Variants in POSTN observed in about 807,000 individuals in gnomAD.
POSTN encodes the protein periostin, also known as osteoblast specific factor 2 (fasciclin I-like).
POSTN carries 71 observed loss-of-function variants against 104.5 expected under a neutral mutation model. That is an observed-to-expected ratio of 0.68 (90% confidence interval 0.56 to 0.83). POSTN has a LOEUF of 0.83. Ranked by LOEUF, POSTN falls within the 40% of genes least tolerant of loss-of-function variation. The pLI, the probability that POSTN is intolerant of heterozygous loss-of-function variation, is 0.00. For synonymous variants in POSTN, 355 were observed against 340.7 expected (o/e 1.04, Z -0.46); for missense variants, 949 against 1,006.8 (o/e 0.94, Z 0.78).
chr13:37,578,722 A>G (rs752882330), intron 15 of POSTN, 122 bp downstream of exon 15: 14 of 776,514 alleles, frequency 1.8e-5, no homozygotes, highest in Non-Finnish European at 2.4e-5. Flanking sequence ...TGGAGTGAAC[A>G]TGGGAGGCGG....
chr13:37,575,500 AT>A (rs1325032277), intron 16 of POSTN, among the ~76,000 whole-genome samples: 1 of 152,062 alleles, frequency 6.6e-6, no homozygotes, highest in East Asian at 1.9e-4. Context: ...CCAGTCAACT[AT>A]TTGGTTGACT....
intron 16 of POSTN, among the ~76,000 whole-genome samples, chr13:37,577,406 A>G (rs376436749): frequency 1.3e-5 from 2 of 152,270 alleles, no homozygotes; most frequent in East Asian, 3.9e-4. Flanking sequence ...GGCTAAGGTC[A>G]TTTCTGTGTC....
At chr13:37,597,048 C>T in intron 2 of POSTN, 136 bp downstream of exon 2, 2 of 531,296 alleles carry the variant, frequency 3.8e-6, no homozygotes, top group East Asian at 3.5e-5. Flanking sequence ...GTATGTATTC[C>T]TTTCTTTTCT....
chr13:37,568,299 A>AAG (rs1950172332), intron 21 of POSTN, among the ~76,000 whole-genome samples: 1 of 152,116 alleles, frequency 6.6e-6, no homozygotes, highest in Non-Finnish European at 1.5e-5. Context: ...AATACTATTT[A>AAG]AGAGATTTTA....
chr13:37,597,016 C>T (rs1593375774), intron 2 of POSTN, among the ~76,000 whole-genome samples, 168 bp downstream of exon 2: 2 of 152,236 alleles, frequency 1.3e-5, no homozygotes, highest in South Asian at 2.1e-4. Context: ...ATTGGAGATG[C>T]AGGGAGAACT....
chr13:37,581,498 T>A (rs1003242823), intron 10 of POSTN, among the ~76,000 whole-genome samples: 3 of 152,148 alleles, frequency 2.0e-5, no homozygotes, highest in African/African-American at 4.8e-5. Context: ...AGTAGGAGGT[T>A]CACTGGAGGC....
Position 37,579,350 on chromosome 13 carries a change from T to C in POSTN, c.1670A>G (p.Asn557Ser), listed in dbSNP as rs750139319. ...EEKEILIRDK[N>S]ALQNIILYHL... is the part of the protein sequence containing the mutation. ...ATAAAGAATGATGTTTTGAAGAGCA[T>C]TTTTGTCCCCTAGGGGAAAATATAT... The change falls in exon 13 of 23, where the codon AAT (asparagine) becomes AGT (serine). Residue 557 changes from asparagine (N) to serine (S), a missense_variant. Asn to Ser is a conservative substitution (Grantham distance 46). Transcript: ENST00000379747. 18 of 1,581,582 alleles carry C rather than the reference T, an allele frequency of 1.1e-5. No individual in the cohort carries two copies. Among genetic ancestry groups the C allele is most frequent in the Non-Finnish European group, 1.4e-5 (16 of 1,151,606 alleles).
chr13:37,570,682 G>C lies in POSTN; in HGVS notation c.2180-13C>G. ...TTAATAATTGGCTCTAAAAGCAGGG[G>C]AATACAAATGCATTTGATTTACCCT... On this transcript the variant is annotated splice_polypyrimidine_tract_variant and intron_variant, in intron 18 of 22. Coordinates refer to ENST00000379747, the MANE Select transcript of POSTN (RefSeq NM_006475.3). 3 of 1,498,944 alleles carry C rather than the reference G, an allele frequency of 2.0e-6. No homozygotes were observed. The highest frequency in any genetic ancestry group is 1.9e-6 in the Non-Finnish European group (2 of 1,076,146). 92.9% of individuals were successfully genotyped at this position (1,498,944 alleles called of 1,614,324 possible). A position where few individuals can be genotyped will look rare whatever the true frequency, so the allele number is the denominator to read the frequency against.
intron 5 of POSTN, among the ~76,000 whole-genome samples, chr13:37,587,163 G>A (rs1950772186): frequency 6.6e-6 from 1 of 152,030 alleles, no homozygotes; most frequent in Admixed American, 6.6e-5. Flanking sequence ...AACATATCTA[G>A]CAACATAAGG....
At chr13:37,587,746 G>T (rs532591173) in intron 5 of POSTN, 76 bp downstream of exon 5, 1 of 1,140,976 alleles carries the variant, frequency 8.8e-7, no homozygotes, top group Non-Finnish European at 1.2e-6. Context: ...TTATTTTTGT[G>T]AGCATTATAT....
chr13:37,588,213 AT>A (rs1325209565), intron 4 of POSTN, among the ~76,000 whole-genome samples: 1 of 152,122 alleles, frequency 6.6e-6, no homozygotes, highest in African/African-American at 2.4e-5. Context: ...TTAGAACACA[AT>A]TTTTAAAGTG....
At chr13:37,583,075 T>C (rs1483276518) in intron 9 of POSTN, among the ~76,000 whole-genome samples, 1 of 152,218 alleles carries the variant, frequency 6.6e-6, no homozygotes, top group Non-Finnish European at 1.5e-5. Flanking sequence ...GTGTTACCTA[T>C]TTTTAATTAA....
At position 37,584,094 on chromosome 13, in the gene POSTN, A is replaced by G; in HGVS notation, c.1118T>C (p.Val373Ala). 6.2e-7 allele frequency: 1 copy of G among 1,613,686 alleles called. No homozygotes were observed. The highest frequency in any genetic ancestry group is 8.5e-7 in the Non-Finnish European group (1 of 1,179,860). ...QVLIPDSAKQ[V>A]IELAGKQQTT... ...TTGCTGTTTTCCAGCCAGCTCAATA[A>G]CTTGTTTGGCTGAAAAATAAACCAT... Residue 373 changes from valine to alanine, a missense_variant, in exon 9 of 23, where the codon GTT (valine) becomes GCT (alanine). Physicochemically the swap from Val to Ala is moderately conservative, Grantham distance 64. Transcript: ENST00000379747.
intron 20 of POSTN, 148 bp from the exon 21 acceptor site, chr13:37,569,531 A>T: frequency 1.2e-6 from 1 of 809,408 alleles, no homozygotes; most frequent in Non-Finnish European, 2.1e-6. Context: ...GTTTTCTGAC[A>T]TACTAATATT....
chr13:37,563,255 A>C lies in POSTN; in HGVS notation c.*78T>G, dbSNP rs1159899590. On this transcript the variant is annotated 3_prime_UTR_variant, in exon 23 of 23. Transcript: ENST00000379747. ...TGCTGATGTTTCAGTTCCTGAAGTC[A>C]ACTTGGCTCTCACAATTTTCTAAGG... 3 of 909,484 alleles carry C rather than the reference A, an allele frequency of 3.3e-6. No individual in the cohort carries two copies. The highest frequency in any genetic ancestry group is 5.1e-6 in the Non-Finnish European group (3 of 591,008). 56.3% of individuals were successfully genotyped at this position (909,484 alleles called of 1,614,324 possible).
intron 5 of POSTN, 145 bp downstream of exon 5, chr13:37,587,676 GC>G: frequency 1.6e-6 from 1 of 608,414 alleles, no homozygotes; most frequent in Non-Finnish European, 2.7e-6. Context: ...AAATTTACAT[GC>G]CCTAGATTTG....
chr13:37,577,686 A>G (rs1950448233), intron 16 of POSTN, 67 bp downstream of exon 16: 3 of 1,573,336 alleles, frequency 1.9e-6, no homozygotes, highest in South Asian at 2.4e-5. Context: ...TGTAAATACA[A>G]AGAAATGTAT....
chr13:37,566,726 C>G (rs1183272278), intron 21 of POSTN, among the ~76,000 whole-genome samples: 3 of 152,096 alleles, frequency 2.0e-5, no homozygotes, highest in Non-Finnish European at 4.4e-5. Flanking sequence ...TCGACATAGT[C>G]TGTTATTCTC....
At chr13:37,594,114 T>G (rs1314764929) in intron 2 of POSTN, among the ~76,000 whole-genome samples, 1 of 152,100 alleles carries the variant, frequency 6.6e-6, no homozygotes, top group Non-Finnish European at 1.5e-5. Context: ...TTTATTTACA[T>G]GAGCTCTTGT....
Sources: allele counts gnomAD v4.1 joint callset (sites outside exome capture counted in the v4.1 genomes callset), GRCh38; gene constraint gnomAD v4.1.1; transcripts MANE v1.5; gene names NCBI Gene and HGNC (gene_info 2026-07-23, HGNC 2026-07-21).